Variants in PCDHGA4 observed in about 807,000 individuals in gnomAD.
The protein encoded by PCDHGA4 is protocadherin gamma subfamily A, 4, also known as protocadherin gamma-A4.
A neutral mutation model predicts 54.6 loss-of-function variants in PCDHGA4; 38 were observed. The observed-to-expected ratio is 0.70, with a 90% CI of 0.54 to 0.91. PCDHGA4 has a LOEUF of 0.91. Among genes scored for constraint, PCDHGA4 ranks in the 40% least tolerant of loss-of-function variants. PCDHGA4 has a pLI of 0.00. For synonymous variants in PCDHGA4, 511 were observed against 512.9 expected (o/e 1.00, Z 0.05); for missense variants, 1,298 against 1,220.9 (o/e 1.06, Z -0.94).
intron 1 of PCDHGA4, chr5:141,389,990 C>A (rs2091998485): frequency 6.2e-7 from 1 of 1,613,926 alleles, no homozygotes; most frequent in African/African-American, 1.3e-5. Flanking sequence ...TGCTCTTCCT[C>A]GTGGCCATGA....
chr5:141,422,263 C>T lies in PCDHGA4; in HGVS notation c.2514+64642C>T, dbSNP rs755271863. On this transcript the variant is annotated intron_variant, in intron 1 of 3. Transcript: ENST00000571252. ...TGTTGTGGATGTGAATGATAACGCT[C>T]CAGAAATAACTATCACCTCTTCTAT... is the stretch of plus-strand genomic sequence containing the variant. 1.0e-5 allele frequency: 16 copies of T among 1,563,686 alleles called. No individual in the cohort carries two copies. The South Asian group carries it at 1.7e-4, about 17-fold the overall frequency.
At chr5:141,370,508 C>T in intron 1 of PCDHGA4, 1 of 1,613,908 alleles carries the variant, frequency 6.2e-7, no homozygotes, top group Non-Finnish European at 8.5e-7. Flanking sequence ...ACGCTATTCC[C>T]GAGGAGCTGG....
chr5:141,423,267 G>A (rs530404769), intron 1 of PCDHGA4: 1 of 1,613,710 alleles, frequency 6.2e-7, no homozygotes, highest in Non-Finnish European at 8.5e-7. Flanking sequence ...GCAGCCTCGA[G>A]TCTCTGGCTA....
chr5:141,388,521 ACTGC>A, intron 1 of PCDHGA4: 1 of 1,613,840 alleles, frequency 6.2e-7, no homozygotes, highest in Non-Finnish European at 8.5e-7. Context: ...CTTGACTTTG[ACTGC>A]CTTGGACTTT....
At chr5:141,364,184 A>G (rs1240883607) in intron 1 of PCDHGA4, 2 of 965,444 alleles carry the variant, frequency 2.1e-6, no homozygotes, top group Non-Finnish European at 1.5e-6. Flanking sequence ...CTCCCTCCAT[A>G]CTAAACACAC....
intron 1 of PCDHGA4, among the ~76,000 whole-genome samples, chr5:141,402,419 A>T: frequency 6.6e-6 from 1 of 152,100 alleles, no homozygotes; most frequent in Middle Eastern, 3.2e-3. Flanking sequence ...ACACAGAAAA[A>T]ATTGAAGCAT....
chr5:141,427,955 G>A (rs749241312), intron 1 of PCDHGA4: 1 of 1,587,202 alleles, frequency 6.3e-7, no homozygotes, highest in Non-Finnish European at 8.6e-7. Context: ...ATGACAATGT[G>A]CCGCGGGTGC....
At chr5:141,375,718 C>T in intron 1 of PCDHGA4, 2 of 1,614,270 alleles carry the variant, frequency 1.2e-6, no homozygotes, top group African/African-American at 1.3e-5. Context: ...TTAGCAGCAA[C>T]GTGTCACTGA....
At chr5:141,405,004 G>A in intron 1 of PCDHGA4, 1 of 1,613,960 alleles carries the variant, frequency 6.2e-7, no homozygotes, top group South Asian at 1.1e-5. Flanking sequence ...CTGCAGACCT[G>A]GAGGCCTCAG....
intron 1 of PCDHGA4, chr5:141,408,907 C>T: frequency 6.2e-7 from 1 of 1,613,244 alleles, no homozygotes; most frequent in East Asian, 2.2e-5. Context: ...TCAAGGATAC[C>T]AATGATAACC....
intron 1 of PCDHGA4, among the ~76,000 whole-genome samples, chr5:141,472,648 C>G (rs762736307): frequency 1.3e-5 from 2 of 151,864 alleles, no homozygotes; most frequent in African/African-American, 4.8e-5. Flanking sequence ...TGTGTTGAAT[C>G]AGTATATAAA....
rs1194909537 is a variant in PCDHGA4 at position 141,511,022 on chromosome 5, T to C, written c.2738T>C (p.Phe913Ser). 1 of 1,614,176 alleles carries C rather than the reference T, an allele frequency of 6.2e-7. No individual in the cohort carries two copies. The highest frequency in any genetic ancestry group is 8.5e-7 in the Non-Finnish European group (1 of 1,180,020). ...MGLSARYGPQ[F>S]TLQHVPDYRQ... ...TTGAGCGCCCGCTACGGACCCCAGT[T>C]CACCCTGCAGCACGTGCCCGACTAC... The change falls in exon 4 of 4, where the codon TTC becomes TCC. Residue 913 changes from phenylalanine (F) to serine (S), a missense_variant. Transcript: ENST00000571252.
Position 141,486,786 on chromosome 5 carries a change from G to A in PCDHGA4, c.2515-8021G>A, listed in dbSNP as rs1360545946. The A allele has an allele frequency of 1.9e-6, 3 of 1,614,090 alleles. No individual in the cohort carries two copies. The highest frequency in any genetic ancestry group is 2.2e-5 in the East Asian group (1 of 44,892). ...ACACTGCAGTTTGAGGTGCAGGCCC[G>A]GGATCGGGGCAACCCACCCCTTAGC... is the stretch of plus-strand genomic sequence containing the variant. On this transcript the variant is annotated intron_variant, in intron 1 of 3. Coordinates refer to ENST00000571252, the MANE Select transcript of PCDHGA4 (RefSeq NM_018917.4). This position sits in a 1 kb window ranked among gnomAD's most constrained non-coding sequence, Gnocchi z 5.0.
chr5:141,364,094 A>C (rs4151697), intron 1 of PCDHGA4: 1 of 397,748 alleles, frequency 2.5e-6, no homozygotes, highest in Non-Finnish European at 4.4e-6. Flanking sequence ...ATGGAATTTG[A>C]TGCAGTCACT....
At chr5:141,433,211 T>TC in intron 1 of PCDHGA4, 1 of 1,568,160 alleles carries the variant, frequency 6.4e-7, no homozygotes, top group Non-Finnish European at 8.6e-7. Context: ...CTTCTTTCTT[T>TC]TTTTTTTTTA....
intron 1 of PCDHGA4, chr5:141,361,840 C>A (rs138456654): frequency 0.025 from 40,619 of 1,612,726 alleles, 619 homozygotes; most frequent in African/African-American, 0.058. Flanking sequence ...CGCGCTGGGG[C>A]CTGATGGCTC....
At chr5:141,433,404 TATTA>T (rs142533293) in intron 1 of PCDHGA4, among the ~76,000 whole-genome samples, 252 of 146,310 alleles carry the variant, frequency 1.7e-3, no homozygotes, top group African/African-American at 6.2e-3. Context: ...TCTATCTATC[TATTA>T]CTTTCTTGTA....
Position 141,485,585 on chromosome 5 carries a change from C to G in PCDHGA4, c.2515-9222C>G, listed in dbSNP as rs373987810. The G allele has an allele frequency of 7.4e-6, 12 of 1,612,204 alleles. No individual in the cohort carries two copies. The highest frequency in any genetic ancestry group is 1.0e-5 in the Non-Finnish European group (12 of 1,178,590). On this transcript the variant is annotated intron_variant, in intron 1 of 3. Transcript: ENST00000571252. The surrounding 1 kb of genome is among the most constrained non-coding windows in gnomAD (Gnocchi z 5.7). ...CGCCCCCCGTTTTCCGCGGCAGCAG[C>G]TGGACTTGGAAATTGGGGAGGCAGC...
intron 1 of PCDHGA4, among the ~76,000 whole-genome samples, chr5:141,450,832 T>TTATTA (rs764784095): frequency 5.6e-5 from 8 of 142,316 alleles, no homozygotes; most frequent in African/African-American, 2.2e-4. Context: ...TATTATTATT[T>TTATTA]TTTTTTTTTT....
Sources: allele counts gnomAD v4.1 joint callset (sites outside exome capture counted in the v4.1 genomes callset), GRCh38; gene constraint gnomAD v4.1.1; non-coding constraint Gnocchi (gnomAD v3.1); transcripts MANE v1.5; gene names NCBI Gene and HGNC (gene_info 2026-07-23, HGNC 2026-07-21).